The following CPD variants were observed in gnomAD, a reference collection of about 807,000 sequenced individuals.
CPD encodes the protein carboxypeptidase D.
A neutral mutation model predicts 138.3 loss-of-function variants in CPD; 69 were observed. The observed-to-expected ratio is 0.50, with a 90% CI of 0.41 to 0.61. CPD has a LOEUF of 0.61. Among genes scored for constraint, CPD ranks in the 20% least tolerant of loss-of-function variants. The pLI is 0.00. For missense variants in CPD, 1,432 were observed against 1,733.3 expected (o/e 0.83, Z 3.09); for synonymous variants, 651 against 642.1 (o/e 1.01, Z -0.21).
intron 15 of CPD, 137 bp downstream of exon 15, chr17:30,455,607 T>C (rs1913272588): frequency 3.3e-6 from 3 of 904,128 alleles, no homozygotes; most frequent in Admixed American, 2.9e-5. Context: ...CCAAAGAAGA[T>C]TGTACATACA....
Position 30,442,421 on chromosome 17 carries a change from C to G in CPD, c.2344C>G (p.Arg782Gly), listed in dbSNP as rs1261754917. 3.1e-6 allele frequency: 5 copies of G among 1,613,150 alleles called. No individual in the cohort carries two copies. Among genetic ancestry groups the G allele is most frequent in the Non-Finnish European group, 4.2e-6 (5 of 1,179,500 alleles). Residue 782 changes from arginine (R) to glycine (G), a missense_variant, in exon 10 of 21, where the codon CGA becomes GGA. Arg to Gly is a moderately radical substitution (Grantham distance 125). Transcript: ENST00000225719. ...GCTGCCAAACTTTTGGGAACAGAATCGAAGATCACTAATCCAGTTTATGAA... is the reference window on the plus strand; with the variant it reads ...GCTGCCAAACTTTTGGGAACAGAATGGAAGATCACTAATCCAGTTTATGAA... ...KELPNFWEQNRRSLIQFMKQV... is the reference protein window; with the variant it reads ...KELPNFWEQNGRSLIQFMKQV...
intron 12 of CPD, 83 bp from the exon 13 acceptor site, chr17:30,449,470 C>T: frequency 7.9e-7 from 1 of 1,263,164 alleles, no homozygotes; most frequent in Non-Finnish European, 1.1e-6. Context: ...GTTTTGTTTT[C>T]ATTTCTATTT....
intron 13 of CPD, among the ~76,000 whole-genome samples, chr17:30,450,533 G>T (rs1913142223): frequency 6.6e-6 from 1 of 152,094 alleles, no homozygotes; most frequent in Non-Finnish European, 1.5e-5. Context: ...AAGCAATATG[G>T]TGTTATCTAC....
At chr17:30,408,921 A>C (rs531024498) in intron 2 of CPD, among the ~76,000 whole-genome samples, 1 of 151,978 alleles carries the variant, frequency 6.6e-6, no homozygotes, top group African/African-American at 2.4e-5. Flanking sequence ...ATTCAAAAAA[A>C]CTGGCACAGT....
Position 30,462,063 on chromosome 17 carries a change from G to C in CPD, c.3816+1G>C. 6.2e-7 allele frequency: 1 copy of C among 1,601,062 alleles called. No homozygotes were observed. Among genetic ancestry groups the C allele is most frequent in the South Asian group, 1.1e-5 (1 of 88,964 alleles). Reference sequence around the variant, plus strand: ...TGGGTACCAGCAACAACATTCACAGGTAAGAAACTCAAATTGAGTAGCATC... The same window carrying C: ...TGGGTACCAGCAACAACATTCACAGCTAAGAAACTCAAATTGAGTAGCATC... On this transcript the variant is annotated splice_donor_variant, in intron 19 of 20. Coordinates refer to ENST00000225719, the MANE Select transcript of CPD (RefSeq NM_001304.5). LOFTEE classifies it high-confidence loss of function.
At chr17:30,387,098 T>G (rs534113499) in intron 2 of CPD, among the ~76,000 whole-genome samples, 2 of 152,214 alleles carry the variant, frequency 1.3e-5, no homozygotes, top group African/African-American at 4.8e-5. Flanking sequence ...GAAATGTTAT[T>G]TTTTAAAGAA....
At chr17:30,383,001 A>T (rs1911090182) in intron 1 of CPD, among the ~76,000 whole-genome samples, 1 of 152,214 alleles carries the variant, frequency 6.6e-6, no homozygotes, top group East Asian at 1.9e-4. Context: ...ACTTTCCCAG[A>T]GTCAGTGGGG....
rs947204983 is a variant in CPD at position 30,379,959 on chromosome 17, A to G, written c.746+233A>G. Among the ~76,000 whole-genome samples the G allele has an allele frequency of 1.3e-5, 2 of 152,142 alleles. No homozygotes were observed. Among genetic ancestry groups the G allele is most frequent in the East Asian group, 1.9e-4 (1 of 5,196 alleles). ...TGTTCAAGGGATGGCTGGAGGGGAC[A>G]CTCCTTTCTGACATTTCTGGTCCCT... On this transcript the variant is annotated intron_variant, in intron 1 of 20. Coordinates refer to ENST00000225719, the MANE Select transcript of CPD (RefSeq NM_001304.5). This position sits in a 1 kb window ranked among gnomAD's most constrained non-coding sequence, Gnocchi z 7.0.
chr17:30,426,609 A>G (rs2143427249), intron 6 of CPD, among the ~76,000 whole-genome samples: 1 of 152,364 alleles, frequency 6.6e-6, no homozygotes, highest in East Asian at 1.9e-4. Context: ...GTTCTACAGT[A>G]GTGATGTTAT....
In CPD at chr17:30,385,184, C is replaced by T. The variant is rs767456813; in HGVS notation, c.942C>T (p.Asp314=). The T allele has an allele frequency of 6.2e-6, 10 of 1,613,810 alleles. 1 individual carries two copies. The highest frequency in any genetic ancestry group is 2.2e-5 in the East Asian group (1 of 44,872). Reference sequence around the variant, plus strand: ...AGCCTCATTGTCCAGGAGATGAAGACGAGACTTTCAAAGATGGAATCACAA... The same window carrying T: ...AGCCTCATTGTCCAGGAGATGAAGATGAGACTTTCAAAGATGGAATCACAA... ...TGEPHCPGDE[D]ETFKDGITNG... Residue 314 remains aspartate (D), a synonymous_variant, in exon 2 of 21, where the codon GAC becomes GAT. Transcript: ENST00000225719.
At position 30,385,258 on chromosome 17, in the gene CPD, C is replaced by T. The variant is rs1567864290; in HGVS notation, c.994+22C>T. ...GAAGGTATGCAAAGCATTGAGTTTG[C>T]TACATTTTCCCCCTTGTTCGTTGAA... On this transcript the variant is annotated intron_variant, in intron 2 of 20. Coordinates refer to ENST00000225719, the MANE Select transcript of CPD (RefSeq NM_001304.5). 7 of 1,610,544 alleles carry T rather than the reference C, an allele frequency of 4.3e-6. No individual in the cohort carries two copies. In the South Asian group the frequency reaches 5.5e-5, roughly 13 times the overall value.
intron 8 of CPD, 21 bp from the exon 9 acceptor site, chr17:30,438,954 A>G (rs775353471): frequency 2.2e-6 from 3 of 1,364,000 alleles, no homozygotes; most frequent in Non-Finnish European, 3.0e-6. Flanking sequence ...ATAGAAGTAA[A>G]GATTCTTTTT....
rs1175856228 is a variant in CPD, at chr17:30,466,395, TA to T, written c.*1585del. 6 of 152,602 alleles carry T rather than the reference TA, an allele frequency of 3.9e-5. No individual in the cohort carries two copies. The highest frequency in any genetic ancestry group is 7.4e-5 in the Non-Finnish European group (5 of 68,014). The allele number at this position is 152,602 out of a possible 1,614,324, so 9.5% of individuals were successfully genotyped here. On this transcript the variant is annotated 3_prime_UTR_variant, in exon 21 of 21. Transcript: ENST00000225719. ...GAGGAATGCATTCAAAGTGGCTTTA[TA>T]AAAGAAGATTTTCTTTAGCAAGAAT... is the stretch of plus-strand genomic sequence containing the variant.
intron 13 of CPD, among the ~76,000 whole-genome samples, chr17:30,451,197 G>C (rs1288357843): frequency 6.6e-6 from 1 of 152,210 alleles, no homozygotes; most frequent in Non-Finnish European, 1.5e-5. Context: ...GCCCAGTGCA[G>C]TTCTGCCTCC....
intron 14 of CPD, chr17:30,454,219 G>A (rs1913234854): frequency 6.6e-6 from 1 of 152,208 alleles, no homozygotes; most frequent in Admixed American, 6.5e-5. Context: ...AAACTTTTAT[G>A]CTTTGCTTCC....
rs1303221257 is a variant in CPD, at chr17:30,420,866, G to A, written c.1020G>A (p.Val340=). The A allele has an allele frequency of 1.9e-6, 3 of 1,611,784 alleles. No individual in the cohort carries two copies. The highest frequency in any genetic ancestry group is 1.3e-5 in the African/African-American group (1 of 74,992). The change falls in exon 3 of 21, where the codon GTG becomes GTA. Residue 340 remains valine, a synonymous_variant. Transcript: ENST00000225719. ...VEGGMQDYNY[V]WANCFEITLE... ...GTGGTATGCAAGATTACAATTATGT[G>A]TGGGCCAACTGTTTTGAGATCACAT...
chr17:30,428,206 G>T (rs1288442710), intron 7 of CPD, among the ~76,000 whole-genome samples: 5 of 152,114 alleles, frequency 3.3e-5, no homozygotes, highest in African/African-American at 1.2e-4. Context: ...TAGCAGGATG[G>T]ATCGGTTGAA....
rs762640110 is a variant in CPD at position 30,469,635 on chromosome 17, CAAAT to C, written c.*4825_*4828del. 1.5e-4 allele frequency: 23 copies of C among 151,888 alleles called. No homozygotes were observed. Among genetic ancestry groups the C allele is most frequent in the Admixed American group, 4.6e-4 (7 of 15,256 alleles). 9.4% of individuals were successfully genotyped at this position (151,888 alleles called of 1,614,324 possible). ...TTAATTTAGAAGAAATTCTGAGACA[CAAAT>C]AAAAAAAGAAATTTTTTATTATGTG... On this transcript the variant is annotated 3_prime_UTR_variant, in exon 21 of 21. Coordinates refer to ENST00000225719, the MANE Select transcript of CPD (RefSeq NM_001304.5).
chr17:30,446,042 C>CTTTTTT (rs752252494), intron 12 of CPD, 22 bp downstream of exon 12: 5 of 1,172,416 alleles, frequency 4.3e-6, no homozygotes, highest in Non-Finnish European at 5.9e-6. Flanking sequence ...TTTCTATTGT[C>CTTTTTT]TTTTTTTTTT....
Sources: gnomAD v4.1 joint callset for allele counts (sites outside exome capture counted in the v4.1 genomes callset) on GRCh38, gnomAD v4.1.1 for gene constraint, Gnocchi (gnomAD v3.1) non-coding constraint, MANE v1.5 for transcripts, NCBI Gene and HGNC (gene_info 2026-07-23, HGNC 2026-07-21) for gene names.